The following MYMX variants were observed in gnomAD, a reference collection of about 807,000 sequenced individuals.
MYMX encodes the protein myomixer, myoblast fusion factor.
At chr6:44,216,652 CAAAAAAAA>C (rs547725984), upstream of MYMX, among the ~76,000 whole-genome samples, 1 of 117,284 alleles carries the variant, frequency 8.5e-6, no homozygotes, top group African/African-American at 3.2e-5. Context: ...AACTCTGTCT[CAAAAAAAA>C]AAAAAAAAAA....
At chr6:44,196,882 T>C in the MYMX span, among the ~76,000 whole-genome samples, 18 of 151,758 alleles carry the variant, frequency 1.2e-4, no homozygotes, top group Middle Eastern at 3.4e-3. Flanking sequence ...CGCTTGAACC[T>C]GGGAGGCGGA....
chr6:44,193,687 T>C, the MYMX span, among the ~76,000 whole-genome samples: 2 of 152,124 alleles, frequency 1.3e-5, no homozygotes. Context: ...ATTCTAACTC[T>C]AACAGTAATT....
chr6:44,204,009 G>A, the MYMX span, among the ~76,000 whole-genome samples: 37 of 152,000 alleles, frequency 2.4e-4, no homozygotes, highest in African/African-American at 8.0e-4. Flanking sequence ...CGCCATGCCC[G>A]GCTAATTTTT....
At chr6:44,208,439 A>G in the MYMX span, among the ~76,000 whole-genome samples, 1 of 151,786 alleles carries the variant, frequency 6.6e-6, no homozygotes, top group East Asian at 1.9e-4. Context: ...TCCACCATAA[A>G]TCCCCTTCTC....
the MYMX span, among the ~76,000 whole-genome samples, chr6:44,192,764 T>C: frequency 6.6e-6 from 1 of 152,200 alleles, no homozygotes; most frequent in Non-Finnish European, 1.5e-5. Flanking sequence ...TTTCACACAT[T>C]GGCCAAGTGT....
chr6:44,211,788 T>TTGTGTGTGTGTGTGTGTGTGTGTGTG, the MYMX span, among the ~76,000 whole-genome samples: 383 of 126,416 alleles, frequency 3.0e-3, 9 homozygotes, highest in African/African-American at 7.0e-3. Flanking sequence ...CAGCTAGGTT[T>TTGTGTGTGTGTGTGTGTGTGTGTGTG]TGTGTGTGTG....
At chr6:44,205,439 G>C in the MYMX span, among the ~76,000 whole-genome samples, 3 of 151,836 alleles carry the variant, frequency 2.0e-5, no homozygotes, top group Admixed American at 6.6e-5. Flanking sequence ...ATGGTGGATC[G>C]CTTGAACCTA....
At chr6:44,193,839 C>T in the MYMX span, among the ~76,000 whole-genome samples, 2 of 152,266 alleles carry the variant, frequency 1.3e-5, no homozygotes, top group South Asian at 4.1e-4. Context: ...ACAAAGTTAG[C>T]CGGGCGTGGT....
the MYMX span, among the ~76,000 whole-genome samples, chr6:44,193,290 A>C: frequency 6.6e-6 from 1 of 151,774 alleles, no homozygotes; most frequent in South Asian, 2.1e-4. Flanking sequence ...TTTTTTCCAT[A>C]TAGAGTCTCG....
chr6:44,217,979 A>C lies in MYMX; in HGVS notation c.*253A>C. On this transcript the variant is annotated 3_prime_UTR_variant, in exon 2 of 2. Coordinates refer to ENST00000573382, the MANE Select transcript of MYMX (RefSeq NM_001315494.2). ...GCAGTTCCTCCCAAAGACCACTCCT[A>C]ATCACCTCTGGCCTCAGGCGGGAGG... 1 of 345,884 alleles carries C rather than the reference A, an allele frequency of 2.9e-6. No individual in the cohort carries two copies. The highest frequency in any genetic ancestry group is 5.2e-6 in the Non-Finnish European group (1 of 192,704). 21.4% of individuals were successfully genotyped at this position (345,884 alleles called of 1,614,324 possible).
chr6:44,216,672 AG>A (rs70993444), upstream of MYMX, among the ~76,000 whole-genome samples: 2,673 of 142,698 alleles, frequency 0.019, 37 homozygotes, highest in Non-Finnish European at 0.03. Flanking sequence ...AAAAAAAAAA[AG>A]AAGAAGAGAA....
chr6:44,211,032 T>C, the MYMX span, among the ~76,000 whole-genome samples: 1 of 152,186 alleles, frequency 6.6e-6, no homozygotes, highest in East Asian at 1.9e-4. Flanking sequence ...GGAGGATCAC[T>C]TGGGCCCAGG....
chr6:44,206,034 CT>C, the MYMX span, among the ~76,000 whole-genome samples: 3 of 92,686 alleles, frequency 3.2e-5, no homozygotes, highest in African/African-American at 1.3e-4. Context: ...GTTGTTGTTT[CT>C]TTTTTAGTAA....
chr6:44,204,439 T>G, the MYMX span, among the ~76,000 whole-genome samples: 11 of 152,210 alleles, frequency 7.2e-5, no homozygotes, highest in African/African-American at 2.7e-4. Flanking sequence ...AAAACAGAAC[T>G]GCCAGTGACT....
the MYMX span, among the ~76,000 whole-genome samples, chr6:44,196,511 T>C: frequency 1.3e-5 from 2 of 151,614 alleles, no homozygotes; most frequent in African/African-American, 4.9e-5. Context: ...AAAGCCCATC[T>C]CTATTAAAAG....
At chr6:44,217,366 G>C (rs1775936097) in intron 1 of MYMX, 84 bp from the exon 2 acceptor site, 1 of 398,010 alleles carries the variant, frequency 2.5e-6, no homozygotes, top group East Asian at 3.6e-5. Flanking sequence ...ACTGAAGGGA[G>C]GGGGAACTCC....
chr6:44,192,934 G>A, the MYMX span, among the ~76,000 whole-genome samples: 1 of 152,114 alleles, frequency 6.6e-6, no homozygotes, highest in African/African-American at 2.4e-5. Flanking sequence ...AACCAATGGC[G>A]GTCCCAGCTA....
At chr6:44,205,236 G>GA in the MYMX span, among the ~76,000 whole-genome samples, 75 of 141,026 alleles carry the variant, frequency 5.3e-4, no homozygotes, top group Non-Finnish European at 7.1e-4. Flanking sequence ...ATCGTTCTTT[G>GA]AAAAAAAAAA....
chr6:44,200,980 G>T, the MYMX span, among the ~76,000 whole-genome samples: 1 of 152,060 alleles, frequency 6.6e-6, no homozygotes, highest in African/African-American at 2.4e-5. Flanking sequence ...GGATTGGGGA[G>T]TCCCATCTGT....
Sources: allele counts gnomAD v4.1 joint callset (sites outside exome capture counted in the v4.1 genomes callset), GRCh38; gene constraint gnomAD v4.1.1; transcripts MANE v1.5; gene names NCBI Gene and HGNC (gene_info 2026-07-23, HGNC 2026-07-21).